The following MED13L variants were observed in gnomAD, a reference collection of about 807,000 sequenced individuals.
MED13L encodes mediator of RNA polymerase II transcription subunit 13-like.
MED13L carries 7 observed loss-of-function variants against 220.9 expected under a neutral mutation model. The ratio of observed to expected loss-of-function variants is 0.03; its 90% CI spans 0.02 to 0.06. The LOEUF is 0.06. Ranked by LOEUF, MED13L falls within the 10% of genes least tolerant of loss-of-function variation. The probability of loss-of-function intolerance (pLI) is 1.00; values close to 1 mark genes in which losing one functional copy is unlikely to be tolerated. For synonymous variants in MED13L, 1,011 were observed against 1,015.2 expected, an observed-to-expected ratio of 1.00 and a Z score of 0.08; for missense variants, 1,965 against 2,760.5, an observed-to-expected ratio of 0.71 and a Z score of 6.46.
intron 2 of MED13L, among the ~76,000 whole-genome samples, chr12:116,224,655 G>A (rs534642587): frequency 6.6e-6 from 1 of 152,076 alleles, no homozygotes; most frequent in Admixed American, 6.6e-5. Context: ...TTACCGTTTG[G>A]GGTTTGTTGT....
At chr12:116,275,798 A>C (rs1873769381) in intron 1 of MED13L, among the ~76,000 whole-genome samples, 1 of 152,228 alleles carries the variant, frequency 6.6e-6, no homozygotes, top group African/African-American at 2.4e-5. Flanking sequence ...TTTAAGGCTA[A>C]ATTAAATAAA....
intron 2 of MED13L, among the ~76,000 whole-genome samples, chr12:116,236,156 G>T (rs908793883): frequency 1.3e-5 from 2 of 152,060 alleles, no homozygotes; most frequent in African/African-American, 4.8e-5. Context: ...TAACTACATA[G>T]AACAGGCTTT....
intron 1 of MED13L, among the ~76,000 whole-genome samples, chr12:116,252,612 T>C (rs12370656): frequency 0.092 from 13,851 of 151,056 alleles, 736 homozygotes; most frequent in East Asian, 0.22. Flanking sequence ...GAAGAAGAAA[T>C]TAAACCAAAA....
intron 3 of MED13L, among the ~76,000 whole-genome samples, chr12:116,106,185 G>C (rs1404144730): frequency 6.6e-6 from 1 of 152,182 alleles, no homozygotes; most frequent in Non-Finnish European, 1.5e-5. Flanking sequence ...AGCCTAACCT[G>C]ACTGAATACT....
intron 25 of MED13L, among the ~76,000 whole-genome samples, chr12:115,973,033 T>A (rs1346465200): frequency 6.6e-6 from 1 of 152,060 alleles, no homozygotes; most frequent in African/African-American, 2.4e-5. Context: ...CCTCCACACT[T>A]TTTTTCCCCC....
Position 116,270,145 on chromosome 12 carries a change from AT to A in MED13L, c.72+6914del, listed in dbSNP as rs780982992. Reference sequence around the variant, plus strand: ...TAAAATCTATTCTATACCACAGATAATTTTTTTTTTTTTTTGAGACAGACTC... The same window carrying A: ...TAAAATCTATTCTATACCACAGATAATTTTTTTTTTTTTTGAGACAGACTC... On this transcript the variant is annotated intron_variant, in intron 1 of 30. Transcript: ENST00000281928. Among the ~76,000 whole-genome samples, 707 of 145,312 alleles carry A rather than the reference AT, an allele frequency of 4.9e-3. 4 individuals carry two copies. Among genetic ancestry groups the A allele is most frequent in the South Asian group, 0.023 (105 of 4,616 alleles).
At chr12:116,003,303 A>G (rs1878859908) in intron 13 of MED13L, among the ~76,000 whole-genome samples, 1 of 152,182 alleles carries the variant, frequency 6.6e-6, no homozygotes, top group South Asian at 2.1e-4. Flanking sequence ...AATTTTTTTC[A>G]TGGATCTTGT....
chr12:116,142,209 A>G (rs1255438887), intron 2 of MED13L, among the ~76,000 whole-genome samples: 1 of 152,098 alleles, frequency 6.6e-6, no homozygotes, highest in Non-Finnish European at 1.5e-5. Context: ...CTTCTTTACT[A>G]TCTTCTCTAC....
At chr12:115,988,735 T>A (rs1037604954) in intron 17 of MED13L, among the ~76,000 whole-genome samples, 4 of 152,206 alleles carry the variant, frequency 2.6e-5, no homozygotes, top group African/African-American at 9.7e-5. Flanking sequence ...CTTTTAGGCA[T>A]CTTAAAATTT....
At chr12:116,244,401 T>A (rs980090993) in intron 1 of MED13L, among the ~76,000 whole-genome samples, 11 of 152,182 alleles carry the variant, frequency 7.2e-5, no homozygotes, top group Admixed American at 1.3e-4. Context: ...ATTGTTTTAT[T>A]TCATTAAATT....
chr12:116,244,990 C>T (rs745853369), intron 1 of MED13L, among the ~76,000 whole-genome samples: 2 of 152,002 alleles, frequency 1.3e-5, no homozygotes, highest in Non-Finnish European at 2.9e-5. Context: ...AATAAGAAGG[C>T]ACTCAGATGC....
chr12:115,974,269 T>C (rs537641365), intron 25 of MED13L, among the ~76,000 whole-genome samples: 19 of 152,206 alleles, frequency 1.2e-4, no homozygotes, highest in Non-Finnish European at 2.5e-4. Context: ...CAAAGAAACT[T>C]TGCTGACTCT....
chr12:115,975,114 C>T, intron 25 of MED13L, 57 bp downstream of exon 25: 1 of 1,533,856 alleles, frequency 6.5e-7, no homozygotes, highest in Non-Finnish European at 9.0e-7. Context: ...CAGTTAATGA[C>T]AATAGCTGAG....
At chr12:115,998,744 T>C (rs1400052274) in intron 14 of MED13L, among the ~76,000 whole-genome samples, 1 of 152,208 alleles carries the variant, frequency 6.6e-6, no homozygotes, top group Non-Finnish European at 1.5e-5. Flanking sequence ...TGTGGAGTTA[T>C]TTGTAAAATA....
At chr12:115,990,863 T>C (rs1878010735) in intron 17 of MED13L, among the ~76,000 whole-genome samples, 157 bp downstream of exon 17, 1 of 152,054 alleles carries the variant, frequency 6.6e-6, no homozygotes, top group East Asian at 1.9e-4. Flanking sequence ...AGTCCATAAG[T>C]TTAGGATAAA....
intron 4 of MED13L, among the ~76,000 whole-genome samples, chr12:116,063,105 T>C (rs10507267): frequency 0.17 from 25,411 of 152,194 alleles, 2,355 homozygotes; most frequent in Middle Eastern, 0.24. Flanking sequence ...AGCTGGCTAT[T>C]TGATATCCAA....
chr12:116,271,317 T>C (rs1019364126), intron 1 of MED13L, among the ~76,000 whole-genome samples: 1 of 151,598 alleles, frequency 6.6e-6, no homozygotes, highest in Non-Finnish European at 1.5e-5. Flanking sequence ...GAAATGTTAT[T>C]ATGACAGGCA....
chr12:115,984,733 A>T (rs1419849029), intron 19 of MED13L, among the ~76,000 whole-genome samples: 2 of 152,142 alleles, frequency 1.3e-5, no homozygotes, highest in African/African-American at 4.8e-5. Context: ...GCCCACTAAA[A>T]TCTCCTAAGT....
intron 29 of MED13L, among the ~76,000 whole-genome samples, chr12:115,964,007 A>G (rs1405724763): frequency 6.6e-6 from 1 of 152,118 alleles, no homozygotes; most frequent in Non-Finnish European, 1.5e-5. Context: ...AGATTGCTTG[A>G]GCCTGGGAGG....
Sources: gnomAD v4.1 joint callset for allele counts (sites outside exome capture counted in the v4.1 genomes callset) on GRCh38, gnomAD v4.1.1 for gene constraint, MANE v1.5 for transcripts, NCBI Gene and HGNC (gene_info 2026-07-23, HGNC 2026-07-21) for gene names.